Variants in ZNF236 observed in about 807,000 individuals in gnomAD.
The protein encoded by ZNF236 is zinc finger protein 236, also known as regulated by glucose.
A neutral mutation model predicts 191.2 loss-of-function variants in ZNF236; 50 were observed. The ratio of observed to expected loss-of-function variants is 0.26; its 90% CI spans 0.21 to 0.33. The LOEUF (loss-of-function observed/expected upper bound fraction) is 0.33, where lower values mean the gene tolerates loss of function less well. Among genes scored for constraint, ZNF236 ranks in the 10% least tolerant of loss-of-function variants. The pLI, the probability that ZNF236 is intolerant of heterozygous loss-of-function variation, is 1.00. For synonymous variants in ZNF236, 907 were observed against 928.8 expected, an observed-to-expected ratio of 0.98 and a Z score of 0.43; for missense variants, 1,754 against 2,374.5, an observed-to-expected ratio of 0.74 and a Z score of 5.43.
At chr18:76,863,166 A>G (rs1016604355) in intron 3 of ZNF236, among the ~76,000 whole-genome samples, 5 of 152,210 alleles carry the variant, frequency 3.3e-5, no homozygotes, top group Admixed American at 6.5e-5. Flanking sequence ...TGAGCAACAG[A>G]GAAGAAATAG....
At chr18:76,942,495 T>C (rs1233101036) in intron 26 of ZNF236, among the ~76,000 whole-genome samples, 1 of 151,882 alleles carries the variant, frequency 6.6e-6, no homozygotes, top group Non-Finnish European at 1.5e-5. Flanking sequence ...TATTTTATAA[T>C]TTTTTTAATT....
At chr18:76,865,190 A>G (rs1440409032) in intron 3 of ZNF236, among the ~76,000 whole-genome samples, 1 of 152,076 alleles carries the variant, frequency 6.6e-6, no homozygotes, top group Admixed American at 6.6e-5. Context: ...TACAAAAATT[A>G]GCTGGGTGTG....
chr18:76,879,469 C>G, intron 7 of ZNF236, among the ~76,000 whole-genome samples: 1 of 152,264 alleles, frequency 6.6e-6, no homozygotes, highest in Non-Finnish European at 1.5e-5. Flanking sequence ...TAGTTTTTGT[C>G]AGGGTTTACT....
intron 17 of ZNF236, among the ~76,000 whole-genome samples, chr18:76,913,485 T>C (rs1178711748): frequency 2.0e-5 from 3 of 152,264 alleles, no homozygotes; most frequent in South Asian, 4.1e-4. Context: ...TGGGGAGTTA[T>C]AGGATTTACT....
intron 18 of ZNF236, 89 bp from the exon 19 acceptor site, chr18:76,915,558 C>A: frequency 1.7e-6 from 2 of 1,166,912 alleles, no homozygotes; most frequent in South Asian, 1.4e-5. Flanking sequence ...ACTTATTAAA[C>A]ATATCTTTGT....
intron 26 of ZNF236, among the ~76,000 whole-genome samples, chr18:76,944,826 T>C (rs1968218419): frequency 6.6e-6 from 1 of 152,184 alleles, no homozygotes; most frequent in Non-Finnish European, 1.5e-5. Flanking sequence ...GAAACACAAA[T>C]GATAAGCTAA....
At chr18:76,846,081 G>C (rs896437989) in intron 1 of ZNF236, among the ~76,000 whole-genome samples, 5 of 152,282 alleles carry the variant, frequency 3.3e-5, no homozygotes, top group Non-Finnish European at 5.9e-5. Context: ...GCTCCTTTCA[G>C]TTAAAAGCCC....
chr18:76,883,458 G>A (rs1976958729), intron 9 of ZNF236, among the ~76,000 whole-genome samples: 1 of 144,950 alleles, frequency 6.9e-6, no homozygotes. Context: ...GGGTCTTGCT[G>A]TGTTGTCCAG....
intron 1 of ZNF236, among the ~76,000 whole-genome samples, chr18:76,837,042 A>AT (rs2122428481): frequency 6.8e-6 from 1 of 148,072 alleles, no homozygotes. Flanking sequence ...CCCCTGGCTA[A>AT]TTTTTGTATT....
chr18:76,857,968 G>T (rs561394403), intron 3 of ZNF236, among the ~76,000 whole-genome samples: 130 of 152,156 alleles, frequency 8.5e-4, no homozygotes, highest in Non-Finnish European at 1.7e-3. Flanking sequence ...CACTTTTTAC[G>T]TTTCTTAAGT....
At chr18:76,883,362 CTTTTTT>C (rs10581368) in intron 9 of ZNF236, among the ~76,000 whole-genome samples, 1 of 93,066 alleles carries the variant, frequency 1.1e-5, no homozygotes, top group African/African-American at 4.0e-5. Context: ...GGAGCCAGTG[CTTTTTT>C]TTTTTTTTTT....
rs377002803 is a variant in ZNF236, at chr18:76,827,045, C to T, written c.55+4383C>T. Among the ~76,000 whole-genome samples the T allele has an allele frequency of 3.2e-3, 472 of 148,228 alleles. 1 individual carries two copies. The highest frequency in any genetic ancestry group is 0.011 in the African/African-American group (452 of 40,194). ...CTGAGTAGCTGGCATTACAGGCATG[C>T]GCCACTATGCCCAGCTAATTTTGTA... On this transcript the variant is annotated intron_variant, in intron 1 of 30. Coordinates refer to ENST00000320610, the MANE Select transcript of ZNF236 (RefSeq NM_001306089.2).
chr18:76,929,422 T>G (rs1159119880), intron 25 of ZNF236, among the ~76,000 whole-genome samples: 1 of 152,220 alleles, frequency 6.6e-6, no homozygotes, highest in East Asian at 1.9e-4. Context: ...GTTGATCCAA[T>G]TAACTTTCTC....
chr18:76,912,351 G>T lies in ZNF236; in HGVS notation c.2909+4G>T. ...ACCAGAGCAGGCGCTCTTACAGGTAGTTGTCTGCACAGACCAGCTCATGGT... is the reference window on the plus strand; with the variant it reads ...ACCAGAGCAGGCGCTCTTACAGGTATTTGTCTGCACAGACCAGCTCATGGT... On this transcript the variant is annotated splice_donor_region_variant and intron_variant, in intron 17 of 30. Transcript: ENST00000320610. 1 of 1,611,942 alleles carries T rather than the reference G, an allele frequency of 6.2e-7. No individual in the cohort carries two copies. The highest frequency in any genetic ancestry group is 1.1e-5 in the South Asian group (1 of 90,972).
At chr18:76,851,042 A>T (rs1267806545) in intron 2 of ZNF236, among the ~76,000 whole-genome samples, 36 of 128,444 alleles carry the variant, frequency 2.8e-4, no homozygotes, top group Non-Finnish European at 5.0e-4. Context: ...TTTTTTTTTA[A>T]AAAAAAGCTT....
intron 27 of ZNF236, 28 bp downstream of exon 27, chr18:76,947,680 C>G (rs745853895): frequency 6.2e-6 from 10 of 1,607,554 alleles, no homozygotes; most frequent in Non-Finnish European, 7.7e-6. Flanking sequence ...ATTCACAGAG[C>G]TTTTGTCGCT....
intron 11 of ZNF236, among the ~76,000 whole-genome samples, chr18:76,901,483 G>A (rs1019038215): frequency 6.6e-5 from 10 of 152,208 alleles, no homozygotes; most frequent in African/African-American, 2.2e-4. Flanking sequence ...GTCTGGTTGG[G>A]CGCGGTGGCT....
rs113827032 is a variant in ZNF236 at position 76,968,974 on chromosome 18, C to T, written c.*635C>T. 6.7e-4 allele frequency: 661 copies of T among 985,840 alleles called. 10 individuals carry two copies. In the African/African-American group the frequency reaches 0.01, roughly 16 times the overall value. The allele number at this position is 985,840 out of a possible 1,614,324, so 61.1% of individuals were successfully genotyped here. ...AGTTACAAGAATGCAGTATCTGGGGCGTCAACATGGGGACTCGAGTAAACC... is the reference window on the plus strand; with the variant it reads ...AGTTACAAGAATGCAGTATCTGGGGTGTCAACATGGGGACTCGAGTAAACC... On this transcript the variant is annotated 3_prime_UTR_variant, in exon 31 of 31. Coordinates refer to ENST00000320610, the MANE Select transcript of ZNF236 (RefSeq NM_001306089.2).
At chr18:76,822,714 C>G (rs1974885193) in intron 1 of ZNF236, 52 bp downstream of exon 1, 1 of 146,084 alleles carries the variant, frequency 6.8e-6, no homozygotes, top group Non-Finnish European at 1.5e-5. Context: ...GTGCGGGGCC[C>G]GCGCCCTGCC....
Sources: allele counts gnomAD v4.1 joint callset (sites outside exome capture counted in the v4.1 genomes callset), GRCh38; gene constraint gnomAD v4.1.1; transcripts MANE v1.5; gene names NCBI Gene and HGNC (gene_info 2026-07-23, HGNC 2026-07-21).